GRB10: variants seen among roughly 807,000 people sequenced by gnomAD.
The protein encoded by GRB10 is growth factor receptor bound protein 10.
In GRB10, 20 loss-of-function variants were observed where a neutral mutation model predicts 80.9. That is an observed-to-expected ratio of 0.25 (90% CI 0.17 to 0.36). The LOEUF (loss-of-function observed/expected upper bound fraction) is 0.36. GRB10 is among the 10% of genes least tolerant of loss of function. The probability of loss-of-function intolerance (pLI) is 1.00; values close to 1 mark genes in which losing one functional copy is unlikely to be tolerated. For missense variants in GRB10, 548 were observed against 747.7 expected, an observed-to-expected ratio of 0.73 and a Z score of 3.12; for synonymous variants, 291 against 291.5, an observed-to-expected ratio of 1.00 and a Z score of 0.02.
rs73129078 is a variant in GRB10, at chr7:50,594,701, G to A, written c.1638+736C>T. Reference sequence around the variant, plus strand: ...TCAACTAAACTGAATTCTTGTAGGCGCTGATCTAGCACTCTAATCATGAAC... The same window carrying A: ...TCAACTAAACTGAATTCTTGTAGGCACTGATCTAGCACTCTAATCATGAAC... On this transcript the variant is annotated intron_variant, in intron 18 of 18. Transcript: ENST00000401949. Among the ~76,000 whole-genome samples, 1,027 of 152,256 alleles carry A rather than the reference G, an allele frequency of 6.7e-3. 4 individuals are homozygous for A. Among genetic ancestry groups the A allele is most frequent in the Non-Finnish European group, 0.012 (792 of 68,006 alleles).
intron 7 of GRB10, among the ~76,000 whole-genome samples, chr7:50,653,624 A>C (rs761987481): frequency 1.1e-4 from 16 of 149,942 alleles, no homozygotes; most frequent in Non-Finnish European, 1.9e-4. Flanking sequence ...CAGCCCTCTG[A>C]GTTCTCCCAC....
chr7:50,729,730 C>A (rs557909658), intron 4 of GRB10, among the ~76,000 whole-genome samples: 1 of 144,170 alleles, frequency 6.9e-6, no homozygotes, highest in African/African-American at 2.5e-5. Context: ...GAGCCCCCCC[C>A]GAAGACCAAG....
At chr7:50,707,547 G>A (rs1430131559) in intron 4 of GRB10, among the ~76,000 whole-genome samples, 1 of 152,128 alleles carries the variant, frequency 6.6e-6, no homozygotes, top group Non-Finnish European at 1.5e-5. Context: ...TTTCTTCCAA[G>A]CAAACATCAA....
chr7:50,614,711 AAGTC>A (rs377054488), intron 12 of GRB10, 55 bp downstream of exon 12: 1 of 1,002,712 alleles, frequency 1.0e-6, no homozygotes, highest in South Asian at 1.3e-5. Context: ...GCAAGAGAAG[AAGTC>A]AGTCTCCTGT....
chr7:50,709,858 C>T (rs1309386201), intron 4 of GRB10, among the ~76,000 whole-genome samples: 1 of 152,044 alleles, frequency 6.6e-6, no homozygotes, highest in Non-Finnish European at 1.5e-5. Flanking sequence ...AAGTCAGGCC[C>T]ATGATGGGGG....
intron 8 of GRB10, among the ~76,000 whole-genome samples, chr7:50,620,119 C>T (rs1317636577): frequency 6.6e-6 from 1 of 152,182 alleles, no homozygotes; most frequent in African/African-American, 2.4e-5. Context: ...ATGGCAGTTA[C>T]GTCCCTTCCC....
chr7:50,743,640 C>T (rs1449453965), intron 3 of GRB10, among the ~76,000 whole-genome samples: 1 of 152,246 alleles, frequency 6.6e-6, no homozygotes, highest in East Asian at 1.9e-4. Flanking sequence ...ATGCTCTCCG[C>T]AAATCCAGAG....
intron 7 of GRB10, among the ~76,000 whole-genome samples, chr7:50,647,709 C>T (rs371999809): frequency 3.2e-4 from 49 of 152,304 alleles, no homozygotes; most frequent in African/African-American, 8.7e-4. Context: ...CCCTCCCAGG[C>T]GGCAGAAACT....
intron 4 of GRB10, among the ~76,000 whole-genome samples, chr7:50,715,285 G>T (rs567516114): frequency 1.3e-5 from 2 of 151,682 alleles, no homozygotes; most frequent in African/African-American, 4.8e-5. Context: ...GGCTGGGCTG[G>T]CAGGGCAAGA....
chr7:50,605,942 A>G (rs951175452), intron 14 of GRB10, among the ~76,000 whole-genome samples: 4 of 152,210 alleles, frequency 2.6e-5, no homozygotes, highest in African/African-American at 9.6e-5. Flanking sequence ...GACAATCTCT[A>G]AATTCTCACC....
chr7:50,662,814 G>A (rs1474803835), intron 7 of GRB10, among the ~76,000 whole-genome samples: 3 of 152,218 alleles, frequency 2.0e-5, no homozygotes, highest in African/African-American at 7.2e-5. Flanking sequence ...GAACCCAAAT[G>A]TGAGTCTTGG....
chr7:50,638,707 A>G (rs1049940103), intron 7 of GRB10, among the ~76,000 whole-genome samples: 1 of 152,250 alleles, frequency 6.6e-6, no homozygotes, highest in African/African-American at 2.4e-5. Flanking sequence ...AAATAAAAAT[A>G]GAATTACCAT....
At chr7:50,699,710 G>A (rs567464787) in intron 5 of GRB10, among the ~76,000 whole-genome samples, 2 of 152,160 alleles carry the variant, frequency 1.3e-5, no homozygotes, top group African/African-American at 2.4e-5. Flanking sequence ...CATGTAAAAC[G>A]GTATTATAAT....
chr7:50,616,959 C>T (rs2050762171), intron 10 of GRB10, among the ~76,000 whole-genome samples: 1 of 152,336 alleles, frequency 6.6e-6, no homozygotes, highest in Admixed American at 6.5e-5. Flanking sequence ...GCAGGTCCTG[C>T]TACTAGACTG....
intron 5 of GRB10, among the ~76,000 whole-genome samples, chr7:50,696,229 T>C (rs938799940): frequency 3.3e-5 from 5 of 152,198 alleles, no homozygotes; most frequent in African/African-American, 9.7e-5. Context: ...ATGTATGACC[T>C]TTGCAAGGCT....
rs890467498 is a variant in GRB10, at chr7:50,636,402, C to T, written c.505-9424G>A. 6.6e-5 allele frequency among the ~76,000 whole-genome samples: 10 copies of T among 152,084 alleles called. 1 individual carries two copies. Among genetic ancestry groups the T allele is most frequent in the African/African-American group, 1.4e-4 (6 of 41,388 alleles). On this transcript the variant is annotated intron_variant, in intron 7 of 18. Coordinates refer to ENST00000401949, the MANE Select transcript of GRB10 (RefSeq NM_001350814.2). ...TACAAAACCAGTATCACCCTGATAC[C>T]GAAATCAGGCAAGGACACAACAAAG...
At chr7:50,735,239 A>G (rs182898178) in intron 3 of GRB10, among the ~76,000 whole-genome samples, 1 of 152,350 alleles carries the variant, frequency 6.6e-6, no homozygotes, top group African/African-American at 2.4e-5. Context: ...ACTTAGAAAT[A>G]CATGTAATCA....
intron 7 of GRB10, among the ~76,000 whole-genome samples, chr7:50,650,885 C>A (rs2057927666): frequency 6.6e-6 from 1 of 152,122 alleles, no homozygotes; most frequent in African/African-American, 2.4e-5. Flanking sequence ...AGGAGACTTA[C>A]CTTTTTCTTA....
At chr7:50,662,273 T>C (rs1295040318) in intron 7 of GRB10, among the ~76,000 whole-genome samples, 1 of 152,074 alleles carries the variant, frequency 6.6e-6, no homozygotes, top group Non-Finnish European at 1.5e-5. Context: ...AGAGAGGTCT[T>C]CCTCTCCGAT....
Sources: gnomAD v4.1 joint callset for allele counts (sites outside exome capture counted in the v4.1 genomes callset) on GRCh38, gnomAD v4.1.1 for gene constraint, MANE v1.5 for transcripts, NCBI Gene and HGNC (gene_info 2026-07-23, HGNC 2026-07-21) for gene names.